The following TNRC18 variants were observed in gnomAD, a reference collection of about 807,000 sequenced individuals.
TNRC18 encodes the protein trinucleotide repeat containing 18.
TNRC18 carries 69 observed loss-of-function variants against 226.7 expected under a neutral mutation model. The observed-to-expected ratio is 0.30, with a 90% CI of 0.25 to 0.37. The LOEUF is 0.37. Among genes scored for constraint, TNRC18 ranks in the 10% least tolerant of loss-of-function variants. The probability of loss-of-function intolerance (pLI) is 1.00; values close to 1 mark genes in which losing one functional copy is unlikely to be tolerated. For missense variants in TNRC18, 4,754 were observed against 4,256.6 expected (o/e 1.12, Z -3.25); for synonymous variants, 2,449 against 1,927.6 (o/e 1.27, Z -7.09).
intron 3 of TNRC18, among the ~76,000 whole-genome samples, chr7:5,392,917 T>G (rs1192751307): frequency 6.6e-6 from 1 of 151,502 alleles, no homozygotes; most frequent in Non-Finnish European, 1.5e-5. Context: ...GAGGCTGAGG[T>G]GGGAGAATGG....
chr7:5,361,940 T>G lies in TNRC18; in HGVS notation c.4489A>C (p.Lys1497Gln). Residue 1497 changes from lysine to glutamine, a missense_variant, in exon 13 of 30, where the codon AAG becomes CAG. Transcript: ENST00000430969. ...TGCAGCTTCACCAGCTCACGCTGCT[T>G]CTCCTTGTACTGGCGCTGCACCTCG... ...LAEVQRQYKE[K>Q]QRELVKLQRR... 1 of 1,608,326 alleles carries G rather than the reference T, an allele frequency of 6.2e-7. No individual in the cohort carries two copies. The highest frequency in any genetic ancestry group is 8.5e-7 in the Non-Finnish European group (1 of 1,178,066).
At chr7:5,333,246 C>T (rs575899408) in intron 18 of TNRC18, among the ~76,000 whole-genome samples, 197 bp from the exon 19 acceptor site, 7 of 152,310 alleles carry the variant, frequency 4.6e-5, no homozygotes, top group Non-Finnish European at 8.8e-5. Context: ...CCTGTCCCTA[C>T]GCCGCCTCGG....
chr7:5,342,051 A>G (rs145044404), intron 18 of TNRC18, among the ~76,000 whole-genome samples: 3 of 152,348 alleles, frequency 2.0e-5, no homozygotes, highest in South Asian at 2.1e-4. Context: ...TTTAAGGAAT[A>G]TAATTTGTAA....
At chr7:5,382,458 C>T (rs1007186133) in intron 5 of TNRC18, among the ~76,000 whole-genome samples, 6 of 152,208 alleles carry the variant, frequency 3.9e-5, no homozygotes, top group Admixed American at 2.6e-4. Flanking sequence ...CCAAGGCTCA[C>T]GCAGAGGCCC....
At chr7:5,365,103 A>G (rs1793486550) in intron 11 of TNRC18, among the ~76,000 whole-genome samples, 1 of 152,040 alleles carries the variant, frequency 6.6e-6, no homozygotes, top group Non-Finnish European at 1.5e-5. Flanking sequence ...TCTCCCATTG[A>G]TGGCATTTAG....
At chr7:5,320,488 C>G (rs1172808259) in intron 23 of TNRC18, 44 bp downstream of exon 23, 1 of 1,567,474 alleles carries the variant, frequency 6.4e-7, no homozygotes, top group African/African-American at 1.4e-5. Flanking sequence ...CTTGGACACC[C>G]AGCCCACCCC....
chr7:5,340,133 T>C (rs942403819), intron 18 of TNRC18, among the ~76,000 whole-genome samples: 21 of 152,336 alleles, frequency 1.4e-4, no homozygotes, highest in African/African-American at 4.3e-4. Flanking sequence ...AAAGCCAAGA[T>C]AGCCTAGAAG....
rs868689541 is a variant in TNRC18, at chr7:5,421,300, G to C, written c.-54C>G. ...CCACCCGGCCCGCAGGCCTAGCTCA[G>C]TGGGACCTAAAAGTTCGGCCTCGGC... On this transcript the variant is annotated 5_prime_UTR_variant, in exon 2 of 30. Coordinates refer to ENST00000430969, the MANE Select transcript of TNRC18 (RefSeq NM_001080495.3). 8.1e-7 allele frequency: 1 copy of C among 1,238,764 alleles called. No individual in the cohort carries two copies. The highest frequency in any genetic ancestry group is 1.0e-6 in the Non-Finnish European group (1 of 987,998). The allele number at this position is 1,238,764 out of a possible 1,614,324, so 76.7% of individuals were successfully genotyped here.
At position 5,351,992 on chromosome 7, in the gene TNRC18, G is replaced by C. The variant is rs747878369; in HGVS notation, c.5297C>G (p.Ala1766Gly). 7.4e-6 allele frequency: 12 copies of C among 1,613,878 alleles called. 1 individual carries two copies. The highest frequency in any genetic ancestry group is 6.6e-5 in the South Asian group (6 of 91,086). The change falls in exon 17 of 30, where the codon GCA becomes GGA. Residue 1766 changes from alanine (A) to glycine (G), a missense_variant. Ala to Gly is a moderately conservative substitution (Grantham distance 60). Transcript: ENST00000430969. Reference protein sequence around the residue: ...LTPSLLCSMVAKNSKAAGGPK... With the variant: ...LTPSLLCSMVGKNSKAAGGPK... The stretch of plus-strand genomic sequence containing the variant: ...GCCACCAGCTGCCTTGCTGTTCTTT[G>C]CCACCATGCTACACAGGAGGGAAGG...
chr7:5,420,921 TG>T (rs1229509045), intron 2 of TNRC18, 138 bp downstream of exon 2: 2 of 1,072,090 alleles, frequency 1.9e-6, no homozygotes, highest in Admixed American at 2.0e-5. Flanking sequence ...TTCCCAGCCC[TG>T]GGAGCCGAGT....
intron 19 of TNRC18, chr7:5,330,059 T>G: frequency 4.4e-6 from 2 of 459,434 alleles, no homozygotes; most frequent in Non-Finnish European, 4.5e-6. Flanking sequence ...GAACAGACAC[T>G]GTTAATGTGT....
chr7:5,368,664 CAAAA>C (rs534524701), intron 11 of TNRC18, among the ~76,000 whole-genome samples: 5 of 82,526 alleles, frequency 6.1e-5, no homozygotes, highest in African/African-American at 5.0e-5. Flanking sequence ...GACTCTGTCT[CAAAA>C]AAAAAAAAAA....
rs1381905146 is a variant in TNRC18 at position 5,389,200 on chromosome 7, C to T, written c.624G>A (p.Glu208=). The stretch of plus-strand genomic sequence containing the variant: ...GCGGCTCCCCGCCGCGGCCCGCCCG[C>T]TCCTTGGCTGGACCGTCCCGCGACG... ...GSSSRDGPAK[E]RAGRGGEPPP... is the part of the protein sequence containing the mutation. Residue 208 remains glutamate (E), a synonymous_variant, in exon 5 of 30, where the codon GAG becomes GAA. Coordinates refer to ENST00000430969, the MANE Select transcript of TNRC18 (RefSeq NM_001080495.3). 7 of 1,337,966 alleles carry T rather than the reference C, an allele frequency of 5.2e-6. No individual in the cohort carries two copies. The African/African-American group carries it at 6.2e-5, about 12-fold the overall frequency. 82.9% of individuals were successfully genotyped at this position (1,337,966 alleles called of 1,614,324 possible).
chr7:5,390,099 C>G (rs1384352812), intron 4 of TNRC18: 3 of 369,950 alleles, frequency 8.1e-6, no homozygotes, highest in Non-Finnish European at 1.4e-5. Context: ...CACAATGGCT[C>G]ACATCTGTAA....
chr7:5,370,187 GT>G (rs1794012382), intron 11 of TNRC18, among the ~76,000 whole-genome samples, 187 bp downstream of exon 11: 1 of 152,110 alleles, frequency 6.6e-6, no homozygotes, highest in Non-Finnish European at 1.5e-5. Context: ...GCTGGGCATG[GT>G]GGTGGACGCC....
Position 5,312,785 on chromosome 7 carries a change from C to G in TNRC18, c.8106G>C (p.Lys2702Asn). The change falls in exon 27 of 30, where the codon AAG becomes AAC. Residue 2702 changes from lysine (K) to asparagine (N), a missense_variant. Coordinates refer to ENST00000430969, the MANE Select transcript of TNRC18 (RefSeq NM_001080495.3). This position sits in a 1 kb window ranked among gnomAD's most constrained non-coding sequence, Gnocchi z 6.3. ...GCGCCTTGCCGGCCTGCTTGGTGGC[C>G]TTGGTGGGGAGCGCCGCCTGCGCGG... ...GPSAQAALPT[K>N]ATKQAGKARP... is the part of the protein sequence containing the mutation. 6.5e-7 allele frequency: 1 copy of G among 1,534,182 alleles called. No individual in the cohort carries two copies. Among genetic ancestry groups the G allele is most frequent in the Non-Finnish European group, 8.7e-7 (1 of 1,145,166 alleles).
rs116050740 is a variant in TNRC18, at chr7:5,360,934, C to T, written c.4661+660G>A. On this transcript the variant is annotated intron_variant, in intron 14 of 29. Transcript: ENST00000430969. ...AGGTCTTGAGCCGCCTAGCGTCTAC[C>T]CCACCCTCCTGCCCCAGGCTCCCAA... Among the ~76,000 whole-genome samples the T allele has an allele frequency of 2.4e-3, 361 of 152,286 alleles. 3 individuals are homozygous for T. Among genetic ancestry groups the T allele is most frequent in the African/African-American group, 8.3e-3 (344 of 41,558 alleles).
intron 23 of TNRC18, 40 bp from the exon 24 acceptor site, chr7:5,320,466 T>C (rs1788234220): frequency 1.3e-6 from 2 of 1,565,940 alleles, no homozygotes; most frequent in East Asian, 4.7e-5. Flanking sequence ...TGGACACAGT[T>C]ATGGCCATGG....
intron 11 of TNRC18, among the ~76,000 whole-genome samples, chr7:5,364,910 CTCCTCATTATGAGCTTGGACCT>C (rs1456852826): frequency 1.3e-5 from 2 of 151,862 alleles, no homozygotes; most frequent in East Asian, 3.9e-4. Flanking sequence ...AAACATCTAC[CTCCTCATTATGAGCTTGGACCT>C]TATAAAAACT....
Sources: gnomAD v4.1 joint callset for allele counts (sites outside exome capture counted in the v4.1 genomes callset) on GRCh38, gnomAD v4.1.1 for gene constraint, Gnocchi (gnomAD v3.1) non-coding constraint, MANE v1.5 for transcripts, NCBI Gene and HGNC (gene_info 2026-07-23, HGNC 2026-07-21) for gene names.